EIF3E: variants seen among roughly 807,000 people sequenced by gnomAD.
EIF3E encodes eIF-3 p48.
Under a neutral mutation model 59.3 loss-of-function variants are expected in EIF3E, and 25 were observed. The ratio of observed to expected loss-of-function variants is 0.42; its 90% CI spans 0.31 to 0.59. The LOEUF is 0.59. Among genes scored for constraint, EIF3E ranks in the 20% least tolerant of loss-of-function variants. The probability of loss-of-function intolerance (pLI) is 0.15; values close to 1 mark genes in which losing one functional copy is unlikely to be tolerated. For synonymous variants in EIF3E, 176 were observed against 170.2 expected (o/e 1.03, Z -0.26); for missense variants, 317 against 534.3 (o/e 0.59, Z 4.01).
chr8:108,216,570 G>T lies in EIF3E; in HGVS notation c.850-57C>A. On this transcript the variant is annotated intron_variant, in intron 8 of 12. Transcript: ENST00000220849. Reference sequence around the variant, plus strand: ...CTGATTCAACATTGTTTAGCAGATTGCCCCAGAATATCCCAATCTTCTTGT... The same window carrying T: ...CTGATTCAACATTGTTTAGCAGATTTCCCCAGAATATCCCAATCTTCTTGT... The T allele has an allele frequency of 5.1e-6, 6 of 1,178,118 alleles. No homozygotes were observed. The South Asian group carries it at 6.8e-5, about 13-fold the overall frequency. The allele number at this position is 1,178,118 out of a possible 1,614,324, so 73.0% of individuals were successfully genotyped here. A position where few individuals can be genotyped will look rare whatever the true frequency, so the allele number is the denominator to read the frequency against.
At chr8:108,215,746 TG>T (rs1189391762) in intron 9 of EIF3E, among the ~76,000 whole-genome samples, 1 of 152,236 alleles carries the variant, frequency 6.6e-6, no homozygotes, top group Non-Finnish European at 1.5e-5. Flanking sequence ...AGGGTGAAAC[TG>T]ATAACCAGTA....
chr8:108,204,611 G>C (rs895524808), intron 10 of EIF3E, among the ~76,000 whole-genome samples: 1 of 151,848 alleles, frequency 6.6e-6, no homozygotes, highest in South Asian at 2.1e-4. Context: ...CTACTATAAA[G>C]AGCATCAGTA....
rs536892095 is a variant in EIF3E at position 108,214,554 on chromosome 8, A to T, written c.1061+53T>A. The T allele has an allele frequency of 8.9e-6, 12 of 1,352,580 alleles. No homozygotes were observed. In the African/African-American group the frequency reaches 1.8e-4, roughly 20 times the overall value. The allele number at this position is 1,352,580 out of a possible 1,614,324, so 83.8% of individuals were successfully genotyped here. A position where few individuals can be genotyped will look rare whatever the true frequency, so the allele number is the denominator to read the frequency against. On this transcript the variant is annotated intron_variant, in intron 10 of 12. Transcript: ENST00000220849. ...TAAGTGTAAATTCACAATAAATGGA[A>T]ATTTCCAGGAATTTTAAAGTAGAAA...
chr8:108,221,270 C>T (rs12548292), intron 7 of EIF3E, among the ~76,000 whole-genome samples: 80 of 152,228 alleles, frequency 5.3e-4, no homozygotes, highest in Admixed American at 4.9e-3. Flanking sequence ...CTGCCTTAGC[C>T]TAAGTGATAG....
At chr8:108,245,232 C>A (rs1418247721) in intron 1 of EIF3E, among the ~76,000 whole-genome samples, 37 of 151,918 alleles carry the variant, frequency 2.4e-4, no homozygotes, top group Admixed American at 2.4e-3. Context: ...TTTGCGAGGC[C>A]AAGGTGGCAG....
At chr8:108,212,185 G>A (rs1412696204) in intron 10 of EIF3E, among the ~76,000 whole-genome samples, 1 of 152,152 alleles carries the variant, frequency 6.6e-6, no homozygotes. Flanking sequence ...AAGCTGAACA[G>A]AACTGTAAGA....
intron 10 of EIF3E, among the ~76,000 whole-genome samples, chr8:108,205,496 A>G (rs1815083082): frequency 6.6e-6 from 1 of 152,150 alleles, no homozygotes; most frequent in South Asian, 2.1e-4. Flanking sequence ...AGTAGTTCCC[A>G]CTTATCCGTA....
At chr8:108,230,817 G>T (rs911636711) in intron 5 of EIF3E, among the ~76,000 whole-genome samples, 1 of 152,088 alleles carries the variant, frequency 6.6e-6, no homozygotes, top group Admixed American at 6.6e-5. Context: ...TAAATTCACA[G>T]AATGAAATAC....
At chr8:108,203,735 G>C (rs1236769588) in intron 10 of EIF3E, among the ~76,000 whole-genome samples, 1 of 152,026 alleles carries the variant, frequency 6.6e-6, no homozygotes, top group Non-Finnish European at 1.5e-5. Context: ...CTTGAGGGTA[G>C]GGTAACATAT....
chr8:108,229,427 T>C (rs1055468572), intron 5 of EIF3E: 19 of 314,644 alleles, frequency 6.0e-5, no homozygotes, highest in African/African-American at 2.8e-4. Flanking sequence ...AAATAACTTT[T>C]ATAACTAGGA....
At chr8:108,219,899 T>G (rs1221207798) in intron 7 of EIF3E, among the ~76,000 whole-genome samples, 3 of 152,050 alleles carry the variant, frequency 2.0e-5, no homozygotes, top group African/African-American at 7.2e-5. Context: ...TCCTAGTGCT[T>G]TGGGAGGCCG....
chr8:108,218,881 T>G (rs1815354469), intron 7 of EIF3E, among the ~76,000 whole-genome samples: 1 of 151,114 alleles, frequency 6.6e-6, no homozygotes, highest in Non-Finnish European at 1.5e-5. Context: ...CTTCCCAGAT[T>G]CAAGAGATTC....
At chr8:108,224,092 G>A (rs1048727031) in intron 7 of EIF3E, among the ~76,000 whole-genome samples, 12 of 150,648 alleles carry the variant, frequency 8.0e-5, no homozygotes, top group African/African-American at 3.0e-4. Context: ...CGTGGTGGTG[G>A]GCGCCTGTAG....
At chr8:108,232,059 AAATT>A (rs368791043) in intron 5 of EIF3E, among the ~76,000 whole-genome samples, 101 of 152,244 alleles carry the variant, frequency 6.6e-4, no homozygotes, top group African/African-American at 2.4e-3. Context: ...GCAAAAAATA[AAATT>A]AATTAACTAA....
chr8:108,203,034 C>T lies in EIF3E; in HGVS notation c.1248G>A (p.Gln416=). The T allele has an allele frequency of 6.2e-7, 1 of 1,612,830 alleles. No individual in the cohort carries two copies. Among genetic ancestry groups the T allele is most frequent in the South Asian group, 1.1e-5 (1 of 91,038 alleles). The change falls in exon 12 of 13, where the codon CAG becomes CAA. Residue 416 remains glutamine (Q), a synonymous_variant. Transcript: ENST00000220849. ...TCTTCTCAATATTCATGGCCAACAT[C>T]TGGCTTCTAAAGGAAAGGCTTTTGG... ...EKTKSLSFRS[Q]MLAMNIEKKL...
At chr8:108,207,436 C>T (rs906167064) in intron 10 of EIF3E, among the ~76,000 whole-genome samples, 10 of 152,054 alleles carry the variant, frequency 6.6e-5, no homozygotes, top group African/African-American at 1.9e-4. Context: ...AGAAATAAAA[C>T]CAATTTTAAA....
chr8:108,216,060 T>C (rs1368045971), intron 9 of EIF3E, among the ~76,000 whole-genome samples: 1 of 152,204 alleles, frequency 6.6e-6, no homozygotes, highest in Non-Finnish European at 1.5e-5. Context: ...CCTGTACATA[T>C]GAAATATTAA....
intron 7 of EIF3E, among the ~76,000 whole-genome samples, chr8:108,224,478 T>C (rs1452974788): frequency 2.6e-5 from 4 of 151,414 alleles, no homozygotes; most frequent in Admixed American, 2.0e-4. Flanking sequence ...GAAACAATGA[T>C]CTGTCAAGTC....
intron 7 of EIF3E, among the ~76,000 whole-genome samples, chr8:108,227,048 G>A (rs1253047755): frequency 1.3e-5 from 2 of 152,134 alleles, no homozygotes; most frequent in African/African-American, 4.8e-5. Flanking sequence ...TGTAGGGCTG[G>A]GCCCAGTGGC....
Sources: allele counts gnomAD v4.1 joint callset (sites outside exome capture counted in the v4.1 genomes callset), GRCh38; gene constraint gnomAD v4.1.1; transcripts MANE v1.5; gene names NCBI Gene and HGNC (gene_info 2026-07-23, HGNC 2026-07-21).